Variants in SIGLECL1 observed in about 807,000 individuals in gnomAD.
The protein encoded by SIGLECL1 is SIGLEC family like 1.
In SIGLECL1, 16 loss-of-function variants were observed where a neutral mutation model predicts 19.1. That is an observed-to-expected ratio of 0.84 (90% CI 0.57 to 1.27). The LOEUF is 1.27. Among genes scored for constraint, SIGLECL1 ranks in the 50% most tolerant of loss-of-function variants. The probability of loss-of-function intolerance (pLI) is 0.00; values close to 1 mark genes in which losing one functional copy is unlikely to be tolerated. For synonymous variants in SIGLECL1, 89 were observed against 90.4 expected, an observed-to-expected ratio of 0.98 and a Z score of 0.09; for missense variants, 210 against 239.4, an observed-to-expected ratio of 0.88 and a Z score of 0.81.
At chr19:51,259,982 A>T (rs1432275377) in intron 1 of SIGLECL1, among the ~76,000 whole-genome samples, 1 of 152,242 alleles carries the variant, frequency 6.6e-6, no homozygotes, top group Non-Finnish European at 1.5e-5. Flanking sequence ...GGCAAAAACA[A>T]GTCACTTCAG....
upstream of SIGLECL1, among the ~76,000 whole-genome samples, chr19:51,250,799 G>A (rs1210457607): frequency 1.3e-5 from 2 of 152,212 alleles, no homozygotes; most frequent in African/African-American, 2.4e-5. Flanking sequence ...GGGCACAAAG[G>A]TTGGAGGAGG....
At chr19:51,246,338 A>AGTGAGT (rs1169686466), upstream of SIGLECL1, 1 of 152,202 alleles carries the variant, frequency 6.6e-6, no homozygotes, top group Non-Finnish European at 1.5e-5. Context: ...GACTCACGAG[A>AGTGAGT]GTGAAAACCA....
rs190573585 is a variant in SIGLECL1 at position 51,260,618 on chromosome 19, A to T, written c.-190-3265A>T. Reference sequence around the variant, plus strand: ...ATCTGGGAGTGGAATTGAGGGTCATAGAGTATGTGTATCTTCTGCTTTGAT... The same window carrying T: ...ATCTGGGAGTGGAATTGAGGGTCATTGAGTATGTGTATCTTCTGCTTTGAT... On this transcript the variant is annotated intron_variant, in intron 1 of 5. Coordinates refer to ENST00000601727, the MANE Select transcript of SIGLECL1 (RefSeq NM_001385465.1). 1.4e-4 allele frequency among the ~76,000 whole-genome samples: 21 copies of T among 152,334 alleles called. No individual in the cohort carries two copies. In the East Asian group the frequency reaches 3.7e-3, roughly 27 times the overall value.
chr19:51,248,509 ATG>A (rs1982336241), upstream of SIGLECL1, among the ~76,000 whole-genome samples: 1 of 152,150 alleles, frequency 6.6e-6, no homozygotes, highest in African/African-American at 2.4e-5. Flanking sequence ...TTGTCCTGGC[ATG>A]TGCCAGCGGA....
chr19:51,268,275 C>T (rs1046146708), intron 5 of SIGLECL1, among the ~76,000 whole-genome samples: 19 of 152,066 alleles, frequency 1.2e-4, no homozygotes, highest in African/African-American at 4.3e-4. Context: ...CCAGGAGTTA[C>T]GGTGGTGCAG....
intron 1 of SIGLECL1, among the ~76,000 whole-genome samples, chr19:51,260,343 C>T (rs1983121472): frequency 6.6e-6 from 1 of 152,088 alleles, no homozygotes; most frequent in Non-Finnish European, 1.5e-5. Context: ...TAAAGAAATG[C>T]TCATACATTA....
intron 5 of SIGLECL1, among the ~76,000 whole-genome samples, chr19:51,268,279 G>A (rs1983828934): frequency 1.3e-5 from 2 of 152,124 alleles, no homozygotes; most frequent in Admixed American, 6.5e-5. Context: ...GAGTTACGGT[G>A]GTGCAGAAGA....
In SIGLECL1 at chr19:51,265,506, G is replaced by A. The variant is rs146040864; in HGVS notation, c.161G>A (p.Ser54Asn). 2.1e-4 allele frequency: 331 copies of A among 1,614,168 alleles called. 2 individuals carry two copies. In the African/African-American group the frequency reaches 4.2e-3, roughly 20 times the overall value. ...VPVGVDGMDG[S>N]LQVTSTMLGP... ...GTGGGTGTGGATGGCATGGATGGCA[G>A]CCTCCAAGTGACTTCCACCATGCTT... Residue 54 changes from serine (S) to asparagine (N), a missense_variant, in exon 3 of 6, where the codon AGC (serine) becomes AAC (asparagine). By Grantham distance (46) the Ser-to-Asn change is conservative. Coordinates refer to ENST00000601727, the MANE Select transcript of SIGLECL1 (RefSeq NM_001385465.1).
chr19:51,259,134 T>C lies in SIGLECL1; in HGVS notation c.-190-4749T>C, dbSNP rs1202208722. On this transcript the variant is annotated intron_variant, in intron 1 of 5. Coordinates refer to ENST00000601727, the MANE Select transcript of SIGLECL1 (RefSeq NM_001385465.1). Reference sequence around the variant, plus strand: ...TTCTGGGACTCATGTGGGAGTCTTATACCTGCATTCCAAAAGGTTGGTGAA... The same window carrying C: ...TTCTGGGACTCATGTGGGAGTCTTACACCTGCATTCCAAAAGGTTGGTGAA... Among the ~76,000 whole-genome samples, 6 of 196 alleles carry C rather than the reference T, an allele frequency of 0.031. No individual in the cohort carries two copies. The East Asian group carries it at 0.43, about 14-fold the overall frequency. The allele number at this position is 196 out of a possible 152,430, so 0.1% of individuals were successfully genotyped here. A position where few individuals can be genotyped will look rare whatever the true frequency, so the allele number is the denominator to read the frequency against.
At chr19:51,267,223 T>TC (rs1983747955) in intron 4 of SIGLECL1, 150 bp from the exon 5 acceptor site, 1 of 919,902 alleles carries the variant, frequency 1.1e-6, no homozygotes. Context: ...TGAAACTAAT[T>TC]CCCAGAGAGG....
chr19:51,250,848 T>A (rs1982434833), upstream of SIGLECL1, among the ~76,000 whole-genome samples: 1 of 152,196 alleles, frequency 6.6e-6, no homozygotes. Context: ...CTGGCAGCCG[T>A]GCATCAGCTC....
At chr19:51,256,086 T>TGC (rs1216500568) in intron 1 of SIGLECL1, 1 of 148,290 alleles carries the variant, frequency 6.7e-6, no homozygotes, top group African/African-American at 2.5e-5. Flanking sequence ...TATACACACA[T>TGC]GCACGCACAC....
upstream of SIGLECL1, among the ~76,000 whole-genome samples, chr19:51,249,578 G>A (rs1982374282): frequency 6.6e-6 from 1 of 152,186 alleles, no homozygotes; most frequent in South Asian, 2.1e-4. Flanking sequence ...CAGGGAGGTG[G>A]AGACTGTTGT....
Position 51,267,521 on chromosome 19 carries a change from C to G in SIGLECL1, c.559C>G (p.Arg187Gly). 6.2e-7 allele frequency: 1 copy of G among 1,614,066 alleles called. No homozygotes were observed. Among genetic ancestry groups the G allele is most frequent in the Non-Finnish European group, 8.5e-7 (1 of 1,179,994 alleles). Reference sequence around the variant, plus strand: ...CGTAGTCGCCACATTTTCTGAGAGCCGGATATTGGTATGTACCTATTGTGT... The same window carrying G: ...CGTAGTCGCCACATTTTCTGAGAGCGGGATATTGGTATGTACCTATTGTGT... ...KPVVATFSES[R>G]ILEKQDKRAS The change falls in exon 5 of 6, where the codon CGG becomes GGG. Residue 187 changes from arginine (R) to glycine (G), a missense_variant. Physicochemically the swap from Arg to Gly is moderately radical, Grantham distance 125. Coordinates refer to ENST00000601727, the MANE Select transcript of SIGLECL1 (RefSeq NM_001385465.1).
intron 1 of SIGLECL1, among the ~76,000 whole-genome samples, chr19:51,260,609 G>C (rs185697946): frequency 3.6e-4 from 55 of 152,248 alleles, no homozygotes; most frequent in African/African-American, 1.3e-3. Context: ...GAGTGGAATT[G>C]AGGGTCATAG....
Position 51,264,052 on chromosome 19 carries a change from G to T in SIGLECL1, c.-21G>T. The T allele has an allele frequency of 6.2e-7, 1 of 1,613,920 alleles. No homozygotes were observed. Among genetic ancestry groups the T allele is most frequent in the East Asian group, 2.2e-5 (1 of 44,860 alleles). On this transcript the variant is annotated 5_prime_UTR_variant, in exon 2 of 6. Transcript: ENST00000601727. The stretch of plus-strand genomic sequence containing the variant: ...AGTAAAGAGCTTCTGCTGTTCCTGA[G>T]AACTGTTGCTGCTGGAAGTGATGCT...
At chr19:51,254,131 C>T (rs552614483) in intron 1 of SIGLECL1, among the ~76,000 whole-genome samples, 29 of 151,970 alleles carry the variant, frequency 1.9e-4, no homozygotes, top group Non-Finnish European at 4.0e-4. Context: ...CCAGCCTGGG[C>T]AATATAGCAA....
intron 1 of SIGLECL1, among the ~76,000 whole-genome samples, chr19:51,255,471 A>C (rs1982744830): frequency 6.6e-6 from 1 of 152,214 alleles, no homozygotes; most frequent in African/African-American, 2.4e-5. Flanking sequence ...TCTGAACAGC[A>C]AAGGAAACAA....
chr19:51,265,864 T>C lies in SIGLECL1; in HGVS notation c.392T>C (p.Leu131Pro). 2 of 1,614,172 alleles carry C rather than the reference T, an allele frequency of 1.2e-6. No homozygotes were observed. The highest frequency in any genetic ancestry group is 1.7e-6 in the Non-Finnish European group (2 of 1,180,018). ...GGAATTGTAATTGCGCTGCTCTTCC[T>C]CTGCCTCCTCCCTCTCATGTGAGTA... ...YAGIVIALLF[L>P]CLLPLIVKHI... is the part of the protein sequence containing the mutation. Residue 131 changes from leucine to proline, a missense_variant, in exon 4 of 6, where the codon CTC becomes CCC. By Grantham distance (98) the Leu-to-Pro change is moderately conservative. Transcript: ENST00000601727.
Sources: gnomAD v4.1 joint callset for allele counts (sites outside exome capture counted in the v4.1 genomes callset) on GRCh38, gnomAD v4.1.1 for gene constraint, MANE v1.5 for transcripts, NCBI Gene and HGNC (gene_info 2026-07-23, HGNC 2026-07-21) for gene names.